FRMD4A: variants seen among roughly 807,000 people sequenced by gnomAD.
FRMD4A encodes FERM domain-containing protein 4A.
FRMD4A carries 29 observed loss-of-function variants against 129.1 expected under a neutral mutation model. That is an observed-to-expected ratio of 0.22 (90% CI 0.17 to 0.31). FRMD4A has a LOEUF of 0.31. FRMD4A is among the 10% of genes least tolerant of loss of function. The pLI, the probability that FRMD4A is intolerant of heterozygous loss-of-function variation, is 1.00. For missense variants in FRMD4A, 1,272 were observed against 1,375.8 expected (o/e 0.92, Z 1.19); for synonymous variants, 634 against 571.6 (o/e 1.11, Z -1.56).
chr10:13,949,356 T>C (rs1208054562), intron 2 of FRMD4A, among the ~76,000 whole-genome samples: 2 of 151,874 alleles, frequency 1.3e-5, no homozygotes, highest in Non-Finnish European at 2.9e-5. Context: ...ATGAGAAGTT[T>C]TCTACTTGCA....
chr10:13,999,619 G>A (rs1466478387), intron 2 of FRMD4A, among the ~76,000 whole-genome samples: 1 of 152,206 alleles, frequency 6.6e-6, no homozygotes, highest in African/African-American at 2.4e-5. Context: ...AGCCTATAGC[G>A]TTTTTGAGAA....
chr10:14,252,071 G>T (rs1224818690), intron 2 of FRMD4A, among the ~76,000 whole-genome samples: 1 of 152,130 alleles, frequency 6.6e-6, no homozygotes, highest in African/African-American at 2.4e-5. Context: ...TTATAGAAAA[G>T]TTTCAAGAAT....
chr10:13,765,154 G>A (rs139066892), intron 6 of FRMD4A, among the ~76,000 whole-genome samples: 526 of 125,130 alleles, frequency 4.2e-3, no homozygotes, highest in African/African-American at 0.015. Context: ...CACTGTTGTC[G>A]TCCAGGCTGG....
chr10:14,093,790 G>A (rs1386431968), intron 2 of FRMD4A, among the ~76,000 whole-genome samples: 2 of 152,308 alleles, frequency 1.3e-5, no homozygotes, highest in African/African-American at 4.8e-5. Flanking sequence ...CACAGCCCAT[G>A]ACTCTTAGAA....
chr10:14,272,833 GTTTGAGGTTAGTA>G (rs1227188246), intron 2 of FRMD4A, among the ~76,000 whole-genome samples: 1 of 152,152 alleles, frequency 6.6e-6, no homozygotes, highest in East Asian at 1.9e-4. Context: ...TCTCAGATGT[GTTTGAGGTTAGTA>G]TTTGAACCAA....
At chr10:14,207,100 G>A (rs964840152) in intron 2 of FRMD4A, among the ~76,000 whole-genome samples, 2 of 152,030 alleles carry the variant, frequency 1.3e-5, no homozygotes, top group Non-Finnish European at 2.9e-5. Flanking sequence ...TCCAAAGAGG[G>A]AAATGGTTAG....
At chr10:14,206,746 G>A (rs1399649038) in intron 2 of FRMD4A, among the ~76,000 whole-genome samples, 1 of 143,738 alleles carries the variant, frequency 7.0e-6, no homozygotes, top group African/African-American at 2.6e-5. Context: ...GTCAGAGGTT[G>A]CAGTGAGCTG....
intron 2 of FRMD4A, among the ~76,000 whole-genome samples, chr10:14,023,289 C>T (rs1832844041): frequency 6.6e-6 from 1 of 152,046 alleles, no homozygotes; most frequent in African/African-American, 2.4e-5. Flanking sequence ...GGGAATTCTG[C>T]CAGCACAATG....
intron 2 of FRMD4A, among the ~76,000 whole-genome samples, chr10:14,071,776 G>C (rs960722556): frequency 1.3e-5 from 2 of 151,942 alleles, no homozygotes; most frequent in Non-Finnish European, 2.9e-5. Flanking sequence ...GCACTTAGTG[G>C]GATCTTCTCC....
intron 2 of FRMD4A, among the ~76,000 whole-genome samples, chr10:14,187,684 G>T (rs1176549233): frequency 6.6e-6 from 1 of 152,204 alleles, no homozygotes; most frequent in Non-Finnish European, 1.5e-5. Flanking sequence ...GGGAGGCTGG[G>T]GTGGGAGGAT....
intron 2 of FRMD4A, among the ~76,000 whole-genome samples, chr10:14,102,104 C>T (rs1837336188): frequency 6.6e-6 from 1 of 152,192 alleles, no homozygotes; most frequent in Non-Finnish European, 1.5e-5. Context: ...GAAAAAGCTA[C>T]AAGAAAAGAA....
chr10:13,889,659 T>C (rs1255246348), intron 2 of FRMD4A, among the ~76,000 whole-genome samples: 1 of 152,172 alleles, frequency 6.6e-6, no homozygotes, highest in Non-Finnish European at 1.5e-5. Context: ...AATATAGCAA[T>C]AGCAGCGGCA....
chr10:14,271,208 G>A (rs1184997085), intron 2 of FRMD4A, among the ~76,000 whole-genome samples: 5 of 152,068 alleles, frequency 3.3e-5, no homozygotes, highest in African/African-American at 1.2e-4. Context: ...CCAACACTGG[G>A]GATCACATTT....
chr10:14,222,726 CT>C (rs994691634), intron 2 of FRMD4A, among the ~76,000 whole-genome samples: 4 of 151,860 alleles, frequency 2.6e-5, no homozygotes, highest in African/African-American at 4.8e-5. Flanking sequence ...GTGAAATCTC[CT>C]TGGAAAAAAA....
chr10:14,287,411 G>A (rs1047784050), intron 2 of FRMD4A, among the ~76,000 whole-genome samples: 1 of 152,122 alleles, frequency 6.6e-6, no homozygotes, highest in Non-Finnish European at 1.5e-5. Flanking sequence ...GTTACAGAAT[G>A]CATTTTTTAA....
At chr10:14,143,600 A>G (rs10906615) in intron 2 of FRMD4A, among the ~76,000 whole-genome samples, 72,274 of 152,048 alleles carry the variant, frequency 0.48, 17,498 homozygotes, top group East Asian at 0.59. Context: ...TGGTTACAAT[A>G]GTTTTTTGTT....
intron 12 of FRMD4A, among the ~76,000 whole-genome samples, chr10:13,737,347 C>T (rs1402824096): frequency 1.3e-5 from 2 of 152,184 alleles, no homozygotes; most frequent in Non-Finnish European, 2.9e-5. Context: ...GCCTCAGGCT[C>T]CCAAAGTGCT....
rs1029950911 is a variant in FRMD4A, at chr10:13,646,969, G to A, written c.*69C>T. 1.2e-5 allele frequency: 12 copies of A among 983,960 alleles called. No individual in the cohort carries two copies. The African/African-American group carries it at 1.4e-4, about 11-fold the overall frequency. The allele number at this position is 983,960 out of a possible 1,614,324, so 61.0% of individuals were successfully genotyped here. ...TCCCGGGCTTGGCTTTTTCCTGCCCGTACCACTGGACATCAGCTAGTTCTG... is the reference window on the plus strand; with the variant it reads ...TCCCGGGCTTGGCTTTTTCCTGCCCATACCACTGGACATCAGCTAGTTCTG... On this transcript the variant is annotated 3_prime_UTR_variant, in exon 25 of 25. Transcript: ENST00000357447.
intron 2 of FRMD4A, among the ~76,000 whole-genome samples, chr10:13,964,990 T>C (rs935599190): frequency 1.3e-5 from 2 of 151,874 alleles, no homozygotes; most frequent in East Asian, 3.9e-4. Flanking sequence ...GGCCAACTAA[T>C]GCCTCTTCCT....
Sources: allele counts gnomAD v4.1 joint callset (sites outside exome capture counted in the v4.1 genomes callset), GRCh38; gene constraint gnomAD v4.1.1; transcripts MANE v1.5; gene names NCBI Gene and HGNC (gene_info 2026-07-23, HGNC 2026-07-21).